RP1: variants seen among roughly 807,000 people sequenced by gnomAD.
RP1 encodes oxygen-regulated protein 1.
A neutral mutation model predicts 14.8 loss-of-function variants in RP1; 16 were observed. The observed-to-expected ratio is 1.08, with a 90% CI of 0.73 to 1.65. The LOEUF (loss-of-function observed/expected upper bound fraction) is 1.65, where lower values mean the gene tolerates loss of function less well. Among genes scored for constraint, RP1 ranks in the 40% most tolerant of loss-of-function variants. The pLI is 0.00. For synonymous variants in RP1, 876 were observed against 883.6 expected (o/e 0.99, Z 0.15); for missense variants, 2,631 against 2,535.0 (o/e 1.04, Z -0.81).
intron 7 of RP1, among the ~76,000 whole-genome samples, chr8:54,669,904 G>T (rs1165131606): frequency 6.6e-6 from 1 of 152,102 alleles, no homozygotes; most frequent in Non-Finnish European, 1.5e-5. Context: ...GGGAGGGATA[G>T]CATTAGGAGA....
At chr8:54,582,567 G>T (rs895862389) in intron 1 of RP1, among the ~76,000 whole-genome samples, 1 of 151,952 alleles carries the variant, frequency 6.6e-6, no homozygotes, top group African/African-American at 2.4e-5. Context: ...GATGGGGATG[G>T]CATTGAATCT....
chr8:54,694,798 G>GT (rs1236555087), intron 12 of RP1, among the ~76,000 whole-genome samples: 3 of 151,934 alleles, frequency 2.0e-5, no homozygotes, highest in South Asian at 2.1e-4. Context: ...TTTTTATAGG[G>GT]TTTTTTGTGT....
At chr8:54,563,524 T>TTGTG (rs10632655) in intron 1 of RP1, among the ~76,000 whole-genome samples, 38,296 of 150,522 alleles carry the variant, frequency 0.25, 4,929 homozygotes, top group African/African-American at 0.3. Context: ...TTATTACTAT[T>TTGTG]TGTGTGTGTG....
intron 1 of RP1, among the ~76,000 whole-genome samples, chr8:54,602,034 C>T (rs962539707): frequency 1.3e-5 from 2 of 151,992 alleles, no homozygotes; most frequent in Non-Finnish European, 2.9e-5. Flanking sequence ...ATCACTGAAT[C>T]ATCCATTTTT....
At chr8:54,733,306 T>C (rs1808835655) in intron 17 of RP1, among the ~76,000 whole-genome samples, 2 of 152,138 alleles carry the variant, frequency 1.3e-5, no homozygotes, top group Non-Finnish European at 2.9e-5. Context: ...GAAATGCATA[T>C]GAAACATGCA....
chr8:54,686,776 C>G (rs979132308), intron 12 of RP1, among the ~76,000 whole-genome samples: 1 of 152,022 alleles, frequency 6.6e-6, no homozygotes, highest in African/African-American at 2.4e-5. Context: ...AACTTTACAT[C>G]CCTTGACATT....
At chr8:54,684,452 T>G (rs1018090408) in intron 12 of RP1, among the ~76,000 whole-genome samples, 2 of 152,136 alleles carry the variant, frequency 1.3e-5, no homozygotes, top group Admixed American at 1.3e-4. Context: ...AGGCTTTTTT[T>G]GGTTGGTAGG....
chr8:54,860,117 T>A (rs1812309251), intron 27 of RP1, among the ~76,000 whole-genome samples: 1 of 152,130 alleles, frequency 6.6e-6, no homozygotes, highest in Non-Finnish European at 1.5e-5. Context: ...GGTGAAAATA[T>A]TATAGCCAAG....
chr8:54,796,200 C>G (rs1425738831), intron 24 of RP1, among the ~76,000 whole-genome samples: 1 of 152,068 alleles, frequency 6.6e-6, no homozygotes, highest in Non-Finnish European at 1.5e-5. Context: ...CCATTTTATC[C>G]TCTGTAAAAT....
chr8:54,686,566 G>T (rs758528404), intron 12 of RP1, among the ~76,000 whole-genome samples: 18 of 152,046 alleles, frequency 1.2e-4, no homozygotes, highest in Non-Finnish European at 2.6e-4. Context: ...TCTTTGAAAT[G>T]GCACAGGGAA....
intron 24 of RP1, among the ~76,000 whole-genome samples, chr8:54,796,185 A>G (rs576825669): frequency 6.6e-6 from 1 of 152,292 alleles, no homozygotes; most frequent in East Asian, 1.9e-4. Flanking sequence ...GTGGGCAGTT[A>G]TTTACCATTT....
chr8:54,716,356 T>C (rs1808403559), intron 15 of RP1, among the ~76,000 whole-genome samples: 1 of 152,170 alleles, frequency 6.6e-6, no homozygotes, highest in Non-Finnish European at 1.5e-5. Flanking sequence ...TTTTAAATTA[T>C]TTATTCTTTT....
chr8:54,857,437 T>G (rs937616346), intron 27 of RP1, among the ~76,000 whole-genome samples: 1 of 149,694 alleles, frequency 6.7e-6, no homozygotes, highest in East Asian at 1.9e-4. Flanking sequence ...ACATTAAATA[T>G]AATGTAAGGT....
chr8:54,768,792 A>G (rs1053965825), intron 22 of RP1, among the ~76,000 whole-genome samples: 4 of 152,164 alleles, frequency 2.6e-5, no homozygotes, highest in Non-Finnish European at 5.9e-5. Flanking sequence ...TTCTAACACT[A>G]AAGTTTACCT....
chr8:54,796,229 C>G (rs1215954027), intron 24 of RP1, among the ~76,000 whole-genome samples: 1 of 152,000 alleles, frequency 6.6e-6, no homozygotes, highest in Non-Finnish European at 1.5e-5. Context: ...ATAATAGTAC[C>G]TAAGAGGATT....
chr8:54,678,678 C>T (rs1585599906), intron 9 of RP1: 1 of 598,570 alleles, frequency 1.7e-6, no homozygotes, highest in South Asian at 2.2e-5. Flanking sequence ...ATTTTAGTGG[C>T]TCTTTATGCT....
intron 7 of RP1, among the ~76,000 whole-genome samples, chr8:54,670,493 A>ATG (rs1807131466): frequency 8.2e-6 from 1 of 122,500 alleles, no homozygotes; most frequent in East Asian, 2.1e-4. Context: ...ATATGTAAGT[A>ATG]TGTATATATA....
At chr8:54,716,107 G>A (rs1808397619) in intron 15 of RP1, among the ~76,000 whole-genome samples, 1 of 152,176 alleles carries the variant, frequency 6.6e-6, no homozygotes, top group Admixed American at 6.5e-5. Context: ...TGGCCTCACT[G>A]TGGAAGATGT....
intron 15 of RP1, among the ~76,000 whole-genome samples, chr8:54,714,561 G>A (rs1808359681): frequency 6.6e-6 from 1 of 152,072 alleles, no homozygotes; most frequent in African/African-American, 2.4e-5. Flanking sequence ...AGCTCCCTAT[G>A]ATTTCATCCC....
Sources: allele counts gnomAD v4.1 joint callset (sites outside exome capture counted in the v4.1 genomes callset), GRCh38; gene constraint gnomAD v4.1.1; transcripts MANE v1.5; gene names NCBI Gene and HGNC (gene_info 2026-07-23, HGNC 2026-07-21).